Variants in FMNL2 observed in about 807,000 individuals in gnomAD.
The protein encoded by FMNL2 is formin-like protein 2.
Under a neutral mutation model 130.2 loss-of-function variants are expected in FMNL2, and 51 were observed. The observed-to-expected ratio is 0.39, with a 90% CI of 0.31 to 0.49. The LOEUF (loss-of-function observed/expected upper bound fraction) is 0.49. Among genes scored for constraint, FMNL2 ranks in the 20% least tolerant of loss-of-function variants. The pLI, the probability that FMNL2 is intolerant of heterozygous loss-of-function variation, is 0.85. For missense variants in FMNL2, 977 were observed against 1,316.2 expected, an observed-to-expected ratio of 0.74 and a Z score of 3.99; for synonymous variants, 465 against 467.1, an observed-to-expected ratio of 1.00 and a Z score of 0.06.
At chr2:152,608,026 A>G (rs553038411) in intron 10 of FMNL2, among the ~76,000 whole-genome samples, 42 of 152,312 alleles carry the variant, frequency 2.8e-4, no homozygotes, top group African/African-American at 9.6e-4. Context: ...AAGAACATCA[A>G]AGTGAGTTGC....
intron 1 of FMNL2, among the ~76,000 whole-genome samples, chr2:152,375,849 A>AGCTC (rs1261952655): frequency 1.3e-4 from 7 of 53,552 alleles, no homozygotes; most frequent in Admixed American, 5.4e-4. Flanking sequence ...TAGCCATTGA[A>AGCTC]GCTCTCTCTC....
At chr2:152,411,217 G>T (rs1686273048) in intron 1 of FMNL2, among the ~76,000 whole-genome samples, 1 of 152,178 alleles carries the variant, frequency 6.6e-6, no homozygotes, top group Non-Finnish European at 1.5e-5. Context: ...GATAAGAGTT[G>T]AAGAGAAATT....
At chr2:152,482,904 T>C (rs1421829112) in intron 1 of FMNL2, among the ~76,000 whole-genome samples, 1 of 152,158 alleles carries the variant, frequency 6.6e-6, no homozygotes, top group Non-Finnish European at 1.5e-5. Flanking sequence ...ATCAACTTTT[T>C]TTTCCTAGGC....
At chr2:152,546,946 CTTTT>C (rs34129916) in intron 3 of FMNL2, among the ~76,000 whole-genome samples, 3 of 135,778 alleles carry the variant, frequency 2.2e-5, no homozygotes, top group Admixed American at 1.5e-4. Context: ...TGCCCCCATT[CTTTT>C]TTTTTTTTTT....
intron 1 of FMNL2, among the ~76,000 whole-genome samples, chr2:152,337,444 GA>G (rs1681540310): frequency 2.0e-5 from 3 of 151,300 alleles, no homozygotes; most frequent in Admixed American, 1.3e-4. Context: ...TGTGGTGGAG[GA>G]GCCAGTGACA....
chr2:152,402,713 T>C (rs1325399458), intron 1 of FMNL2, among the ~76,000 whole-genome samples: 3 of 152,214 alleles, frequency 2.0e-5, no homozygotes, highest in Non-Finnish European at 4.4e-5. Flanking sequence ...TTCAGATGTA[T>C]GGGAAAAATG....
chr2:152,373,016 G>A (rs774259949), intron 1 of FMNL2, among the ~76,000 whole-genome samples: 18 of 152,174 alleles, frequency 1.2e-4, no homozygotes, highest in Non-Finnish European at 2.5e-4. Context: ...CTGGACCCAT[G>A]TCAGAGATCA....
intron 1 of FMNL2, among the ~76,000 whole-genome samples, chr2:152,336,661 G>A (rs1300559743): frequency 6.6e-6 from 1 of 152,170 alleles, no homozygotes; most frequent in Non-Finnish European, 1.5e-5. Flanking sequence ...CCCCAGCCAG[G>A]ATCTGGACTG....
intron 1 of FMNL2, among the ~76,000 whole-genome samples, chr2:152,341,878 G>A (rs1450586681): frequency 2.0e-5 from 3 of 152,158 alleles, no homozygotes; most frequent in Non-Finnish European, 4.4e-5. Context: ...TGAGTTCTCC[G>A]TTAAAGTTAT....
At position 152,641,448 on chromosome 2, in the gene FMNL2, C is replaced by T. The variant is rs186630669; in HGVS notation, c.3169+534C>T. 7.7e-3 allele frequency among the ~76,000 whole-genome samples: 1,173 copies of T among 152,352 alleles called. 8 individuals carry two copies. Among genetic ancestry groups the T allele is most frequent in the Non-Finnish European group, 0.012 (824 of 68,032 alleles). On this transcript the variant is annotated intron_variant, in intron 25 of 25. Transcript: ENST00000288670. ...TGATTGAATTAGCATAATGCTATCT[C>T]CTCGAACCAATTCTCCCAAATTTCT...
intron 4 of FMNL2, 51 bp downstream of exon 4, chr2:152,549,148 A>C: frequency 1.6e-6 from 2 of 1,285,496 alleles, no homozygotes; most frequent in Non-Finnish European, 2.1e-6. Context: ...GACACTTTAC[A>C]AAGTAACTGA....
chr2:152,645,615 A>C (rs1683482695), intron 25 of FMNL2: 5 of 825,412 alleles, frequency 6.1e-6, no homozygotes, highest in Non-Finnish European at 8.5e-6. Flanking sequence ...TACTGGTGAG[A>C]ATCTGACCAG....
At chr2:152,642,162 G>C (rs563348014) in intron 25 of FMNL2, among the ~76,000 whole-genome samples, 14 of 152,156 alleles carry the variant, frequency 9.2e-5, no homozygotes, top group South Asian at 2.1e-4. Context: ...GGATGGTCTC[G>C]ATCTCCTGAC....
chr2:152,443,265 G>A (rs1688159785), intron 1 of FMNL2, among the ~76,000 whole-genome samples: 1 of 152,146 alleles, frequency 6.6e-6, no homozygotes, highest in Non-Finnish European at 1.5e-5. Flanking sequence ...TGATGTGATG[G>A]TGTGTGTGGA....
At chr2:152,571,251 G>A (rs764846345) in intron 6 of FMNL2, among the ~76,000 whole-genome samples, 1 of 152,168 alleles carries the variant, frequency 6.6e-6, no homozygotes, top group Non-Finnish European at 1.5e-5. Flanking sequence ...CCAGGGGAGT[G>A]CATTGCTGCT....
intron 1 of FMNL2, among the ~76,000 whole-genome samples, chr2:152,472,501 T>G (rs1425471898): frequency 6.6e-6 from 1 of 152,230 alleles, no homozygotes; most frequent in Non-Finnish European, 1.5e-5. Flanking sequence ...GGGAAGCTAC[T>G]TACAGTCTTT....
intron 4 of FMNL2, among the ~76,000 whole-genome samples, chr2:152,555,926 G>T (rs532371699): frequency 6.6e-6 from 1 of 152,318 alleles, no homozygotes; most frequent in South Asian, 2.1e-4. Context: ...GTCCTTGCAT[G>T]ATCATTTACA....
chr2:152,528,686 G>A (rs1422543698), intron 2 of FMNL2, among the ~76,000 whole-genome samples: 1 of 152,178 alleles, frequency 6.6e-6, no homozygotes, highest in Admixed American at 6.5e-5. Flanking sequence ...GGTTGGGGGA[G>A]GAGGTTAGGA....
At chr2:152,607,016 T>TTTTTTTTTTTTG (rs1559003213) in intron 9 of FMNL2, among the ~76,000 whole-genome samples, 1 of 141,376 alleles carries the variant, frequency 7.1e-6, no homozygotes, top group African/African-American at 2.6e-5. Flanking sequence ...GTTTTTTTTT[T>TTTTTTTTTTTTG]TTTTTTTTAC....
Sources: gnomAD v4.1 joint callset for allele counts (sites outside exome capture counted in the v4.1 genomes callset) on GRCh38, gnomAD v4.1.1 for gene constraint, MANE v1.5 for transcripts, NCBI Gene and HGNC (gene_info 2026-07-23, HGNC 2026-07-21) for gene names.